KCNH8: variants seen among roughly 807,000 people sequenced by gnomAD.
The protein encoded by KCNH8 is potassium voltage-gated channel subfamily H member 8.
Under a neutral mutation model 103.6 loss-of-function variants are expected in KCNH8, and 70 were observed. The observed-to-expected ratio is 0.68, with a 90% confidence interval of 0.56 to 0.82. KCNH8 has a LOEUF of 0.82. Ranked by LOEUF, KCNH8 falls within the 40% of genes least tolerant of loss-of-function variation. KCNH8 has a pLI of 0.00. For synonymous variants in KCNH8, 498 were observed against 489.4 expected (o/e 1.02, Z -0.23); for missense variants, 1,217 against 1,329.9 (o/e 0.92, Z 1.32).
At chr3:19,229,079 G>C (rs572317192) in intron 1 of KCNH8, among the ~76,000 whole-genome samples, 1 of 152,254 alleles carries the variant, frequency 6.6e-6, no homozygotes, top group Non-Finnish European at 1.5e-5. Context: ...CTATTTATTT[G>C]ACTCTATTAC....
chr3:19,286,620 A>G (rs2064835713), intron 3 of KCNH8, among the ~76,000 whole-genome samples: 1 of 152,200 alleles, frequency 6.6e-6, no homozygotes, highest in Non-Finnish European at 1.5e-5. Flanking sequence ...TGATGTTTAA[A>G]TTCCTCATAT....
At chr3:19,319,442 TTTTG>T (rs1413757416) in intron 3 of KCNH8, among the ~76,000 whole-genome samples, 1 of 152,070 alleles carries the variant, frequency 6.6e-6, no homozygotes, top group Non-Finnish European at 1.5e-5. Context: ...CACTTTATGT[TTTTG>T]TTTGTTTTGT....
At chr3:19,451,088 C>A in intron 9 of KCNH8, 67 bp from the exon 10 acceptor site, 1 of 1,512,496 alleles carries the variant, frequency 6.6e-7, no homozygotes, top group South Asian at 1.2e-5. Context: ...TCCCTGCTGT[C>A]TTGCAAAGTA....
At chr3:19,298,036 T>C (rs1396802833) in intron 3 of KCNH8, among the ~76,000 whole-genome samples, 1 of 152,176 alleles carries the variant, frequency 6.6e-6, no homozygotes, top group Non-Finnish European at 1.5e-5. Flanking sequence ...CAATTGTACA[T>C]CACCATTGGA....
chr3:19,340,356 AAT>A lies in KCNH8; in HGVS notation c.443-2230_443-2229del, dbSNP rs199942271. Among the ~76,000 whole-genome samples, 12 of 95,244 alleles carry A rather than the reference AAT, an allele frequency of 1.3e-4. No homozygotes were observed. In the South Asian group the frequency reaches 2.5e-3, roughly 20 times the overall value. The allele number at this position is 95,244 out of a possible 152,430, so 62.5% of individuals were successfully genotyped here. A position where few individuals can be genotyped will look rare whatever the true frequency, so the allele number is the denominator to read the frequency against. ...AATTTATTTTTTTTATTTTTTTTTT[AAT>A]TTTTTTTTTTTTTATTATACTCTAA... On this transcript the variant is annotated intron_variant, in intron 3 of 15. Transcript: ENST00000328405.
intron 3 of KCNH8, among the ~76,000 whole-genome samples, chr3:19,308,677 TC>T (rs2065163020): frequency 1.9e-5 from 1 of 53,426 alleles, no homozygotes; most frequent in Non-Finnish European, 3.6e-5. Context: ...TCTCTCTCTC[TC>T]TCTCTCTCTC....
chr3:19,397,564 C>CAT (rs757740416), intron 7 of KCNH8, among the ~76,000 whole-genome samples: 34 of 147,968 alleles, frequency 2.3e-4, no homozygotes, highest in Middle Eastern at 3.5e-3. Flanking sequence ...TGTATATATA[C>CAT]ATATATATAT....
intron 2 of KCNH8, among the ~76,000 whole-genome samples, chr3:19,261,523 T>C (rs1032874132): frequency 4.6e-5 from 7 of 151,764 alleles, no homozygotes; most frequent in African/African-American, 1.7e-4. Flanking sequence ...GGTTTGAAAT[T>C]TTTTTTCTCA....
rs188761286 is a variant in KCNH8, at chr3:19,323,594, C to T, written c.443-18993C>T. Among the ~76,000 whole-genome samples the T allele has an allele frequency of 3.3e-5, 5 of 152,126 alleles. No homozygotes were observed. The South Asian group carries it at 6.2e-4, about 19-fold the overall frequency. ...TAAAGAACCTTGTTTTGTCATTTAC[C>T]AGAATTGATTTTCTGGTTCCTTCTC... is the stretch of plus-strand genomic sequence containing the variant. On this transcript the variant is annotated intron_variant, in intron 3 of 15. Coordinates refer to ENST00000328405, the MANE Select transcript of KCNH8 (RefSeq NM_144633.3).
intron 2 of KCNH8, among the ~76,000 whole-genome samples, chr3:19,263,790 A>G (rs1319426177): frequency 6.6e-6 from 1 of 152,116 alleles, no homozygotes; most frequent in Non-Finnish European, 1.5e-5. Flanking sequence ...AAGAATGTGC[A>G]GTTGTGTTGC....
At chr3:19,381,841 A>T (rs1303219789) in intron 5 of KCNH8, among the ~76,000 whole-genome samples, 1 of 152,186 alleles carries the variant, frequency 6.6e-6, no homozygotes, top group Non-Finnish European at 1.5e-5. Context: ...ACTAGAATAT[A>T]TACATAACTT....
intron 8 of KCNH8, among the ~76,000 whole-genome samples, chr3:19,439,380 A>T (rs1195269649): frequency 2.6e-5 from 4 of 152,216 alleles, no homozygotes; most frequent in African/African-American, 9.6e-5. Context: ...GCTATGATTC[A>T]TAAATATACA....
At chr3:19,462,360 T>A (rs1480288984) in intron 11 of KCNH8, among the ~76,000 whole-genome samples, 3 of 152,250 alleles carry the variant, frequency 2.0e-5, no homozygotes, top group African/African-American at 7.2e-5. Context: ...GGTATCTCAT[T>A]GTGGTTTTGA....
At chr3:19,331,819 A>G (rs926719689) in intron 3 of KCNH8, among the ~76,000 whole-genome samples, 1 of 152,174 alleles carries the variant, frequency 6.6e-6, no homozygotes, top group South Asian at 2.1e-4. Context: ...CTGTTGTGCT[A>G]TCAAATACTG....
At chr3:19,232,934 A>G (rs1285068103) in intron 1 of KCNH8, among the ~76,000 whole-genome samples, 3 of 152,198 alleles carry the variant, frequency 2.0e-5, no homozygotes, top group Admixed American at 1.3e-4. Flanking sequence ...TGTTTGACAC[A>G]TAAAATGGCA....
intron 5 of KCNH8, among the ~76,000 whole-genome samples, chr3:19,376,298 G>T (rs4420896): frequency 6.6e-6 from 1 of 152,128 alleles, no homozygotes; most frequent in Non-Finnish European, 1.5e-5. Flanking sequence ...ATATAATCTC[G>T]TGGTGCGCCA....
intron 1 of KCNH8, among the ~76,000 whole-genome samples, chr3:19,219,284 C>A (rs1387984056): frequency 6.6e-6 from 1 of 152,156 alleles, no homozygotes; most frequent in Non-Finnish European, 1.5e-5. Context: ...AAATCTTACC[C>A]CAACTCCTCC....
chr3:19,507,425 T>G (rs1455054858), intron 11 of KCNH8, among the ~76,000 whole-genome samples: 1 of 152,164 alleles, frequency 6.6e-6, no homozygotes, highest in African/African-American at 2.4e-5. Context: ...GGGCCTGGGC[T>G]CACAGGGAAG....
intron 3 of KCNH8, among the ~76,000 whole-genome samples, chr3:19,333,247 C>CTT (rs1267351216): frequency 2.0e-5 from 3 of 152,088 alleles, no homozygotes; most frequent in African/African-American, 7.2e-5. Context: ...TATTCTACAT[C>CTT]TAAGTCCTTT....
Sources: gnomAD v4.1 joint callset for allele counts (sites outside exome capture counted in the v4.1 genomes callset) on GRCh38, gnomAD v4.1.1 for gene constraint, MANE v1.5 for transcripts, NCBI Gene and HGNC (gene_info 2026-07-23, HGNC 2026-07-21) for gene names.